Variants in KHDRBS2 observed in about 807,000 individuals in gnomAD.
KHDRBS2 encodes KH domain-containing, RNA-binding, signal transduction-associated protein 2.
Under a neutral mutation model 44.3 loss-of-function variants are expected in KHDRBS2, and 26 were observed. The observed-to-expected ratio is 0.59, with a 90% CI of 0.43 to 0.81. KHDRBS2 has a LOEUF of 0.81. Ranked by LOEUF, KHDRBS2 falls within the 40% of genes least tolerant of loss-of-function variation. KHDRBS2 has a pLI of 0.00. For missense variants in KHDRBS2, 476 were observed against 433.1 expected, an observed-to-expected ratio of 1.10 and a Z score of -0.88; for synonymous variants, 194 against 151.1, an observed-to-expected ratio of 1.28 and a Z score of -2.08.
the KHDRBS2 span, among the ~76,000 whole-genome samples, chr6:61,617,227 C>G: frequency 6.6e-6 from 1 of 152,144 alleles, no homozygotes; most frequent in Non-Finnish European, 1.5e-5. Context: ...ACATTTTAAA[C>G]TGTTCTGTCG....
intron 2 of KHDRBS2, among the ~76,000 whole-genome samples, chr6:62,080,913 C>T (rs1797267366): frequency 1.3e-5 from 2 of 152,072 alleles, no homozygotes; most frequent in Non-Finnish European, 1.5e-5. Context: ...TTATGGCAGC[C>T]TTCTTCTATA....
intron 4 of KHDRBS2, among the ~76,000 whole-genome samples, chr6:61,908,605 G>T (rs1350839055): frequency 6.8e-6 from 1 of 147,364 alleles, no homozygotes; most frequent in African/African-American, 2.5e-5. Flanking sequence ...CTGCAGTCTG[G>T]CCTGGGCAAA....
At chr6:62,280,873 C>T (rs1471196004) in intron 1 of KHDRBS2, among the ~76,000 whole-genome samples, 1 of 152,124 alleles carries the variant, frequency 6.6e-6, no homozygotes, top group African/African-American at 2.4e-5. Context: ...CAAGTCAACC[C>T]TGAAGAAAAG....
At chr6:61,930,567 A>AAAAAAAAAAAAAAAAAAAAAAAG (rs1809851862) in intron 4 of KHDRBS2, among the ~76,000 whole-genome samples, 1 of 130,192 alleles carries the variant, frequency 7.7e-6, no homozygotes, top group African/African-American at 2.8e-5. Flanking sequence ...AAAAAAAAAA[A>AAAAAAAAAAAAAAAAAAAAAAAG]GGCTAGTCTA....
At chr6:61,952,562 A>G (rs905215860) in intron 4 of KHDRBS2, among the ~76,000 whole-genome samples, 3 of 152,076 alleles carry the variant, frequency 2.0e-5, no homozygotes, top group Non-Finnish European at 2.9e-5. Context: ...TCAATGGCCA[A>G]AACTGCAATT....
intron 2 of KHDRBS2, among the ~76,000 whole-genome samples, chr6:62,067,981 ATT>A (rs550872265): frequency 1.3e-5 from 2 of 151,710 alleles, no homozygotes; most frequent in African/African-American, 2.4e-5. Context: ...CATTGTGGCT[ATT>A]ATAATAATGT....
chr6:61,985,320 A>C (rs1209511543), intron 3 of KHDRBS2, among the ~76,000 whole-genome samples: 1 of 152,180 alleles, frequency 6.6e-6, no homozygotes, highest in Non-Finnish European at 1.5e-5. Flanking sequence ...CTGTGTATTA[A>C]AACAAATATT....
chr6:61,934,236 C>A (rs1810624423), intron 4 of KHDRBS2, among the ~76,000 whole-genome samples: 3 of 151,830 alleles, frequency 2.0e-5, no homozygotes, highest in South Asian at 2.1e-4. Context: ...CAAATGTTTT[C>A]TTTTTCTTCT....
chr6:62,010,698 A>T (rs1780138752), intron 3 of KHDRBS2, among the ~76,000 whole-genome samples: 3 of 151,522 alleles, frequency 2.0e-5, no homozygotes, highest in Admixed American at 1.3e-4. Flanking sequence ...CCATGCACAA[A>T]CTCTCTTTGC....
chr6:62,279,393 T>C (rs1266728066), intron 1 of KHDRBS2, among the ~76,000 whole-genome samples: 1 of 152,196 alleles, frequency 6.6e-6, no homozygotes. Context: ...TCTGGAGATA[T>C]CTTCTAAACA....
At chr6:61,846,386 T>A (rs993060396) in intron 6 of KHDRBS2, among the ~76,000 whole-genome samples, 14 of 152,212 alleles carry the variant, frequency 9.2e-5, no homozygotes, top group South Asian at 2.1e-4. Context: ...CCAAAGTGGC[T>A]ATAAATTCCA....
chr6:61,838,029 C>A (rs1466723717), intron 6 of KHDRBS2, among the ~76,000 whole-genome samples: 1 of 151,932 alleles, frequency 6.6e-6, no homozygotes, highest in Non-Finnish European at 1.5e-5. Context: ...AACTTTTCTT[C>A]AGGACTAATA....
At chr6:62,269,877 G>A (rs1433787498) in intron 1 of KHDRBS2, among the ~76,000 whole-genome samples, 1 of 151,904 alleles carries the variant, frequency 6.6e-6, no homozygotes, top group Non-Finnish European at 1.5e-5. Context: ...TTTGGTCAAC[G>A]GTGTACTTCT....
chr6:62,062,140 G>T (rs1476838804), intron 2 of KHDRBS2, among the ~76,000 whole-genome samples: 1 of 148,164 alleles, frequency 6.7e-6, no homozygotes, highest in Admixed American at 6.9e-5. Flanking sequence ...AGTCCTGAGT[G>T]ACCTACAAAG....
intron 2 of KHDRBS2, among the ~76,000 whole-genome samples, chr6:62,050,012 T>C (rs1788622907): frequency 6.6e-6 from 1 of 152,036 alleles, no homozygotes; most frequent in South Asian, 2.1e-4. Flanking sequence ...GCAGCACTAT[T>C]TACGATAGCA....
At chr6:62,254,507 A>C (rs150900089) in intron 1 of KHDRBS2, among the ~76,000 whole-genome samples, 1,970 of 152,196 alleles carry the variant, frequency 0.013, 20 homozygotes, top group Non-Finnish European at 0.018. Context: ...TGCTGAGGCA[A>C]GAATGATAAG....
chr6:61,999,819 T>C (rs1311109065), intron 3 of KHDRBS2, among the ~76,000 whole-genome samples: 1 of 152,116 alleles, frequency 6.6e-6, no homozygotes, highest in African/African-American at 2.4e-5. Flanking sequence ...GAGTTTTTAT[T>C]TGATAAAAAA....
At chr6:61,832,437 A>C (rs1791976083) in intron 6 of KHDRBS2, among the ~76,000 whole-genome samples, 1 of 152,132 alleles carries the variant, frequency 6.6e-6, no homozygotes, top group Non-Finnish European at 1.5e-5. Flanking sequence ...CAAAAGTGCA[A>C]ATAATTTGAT....
At chr6:61,570,499 G>C in the KHDRBS2 span, among the ~76,000 whole-genome samples, 1 of 152,102 alleles carries the variant, frequency 6.6e-6, no homozygotes, top group Admixed American at 6.6e-5. Context: ...TTATTTGAGG[G>C]AATGATTGAG....
Sources: gnomAD v4.1 joint callset for allele counts (sites outside exome capture counted in the v4.1 genomes callset) on GRCh38, gnomAD v4.1.1 for gene constraint, MANE v1.5 for transcripts, NCBI Gene and HGNC (gene_info 2026-07-23, HGNC 2026-07-21) for gene names.